Variants in UHRF2 observed in about 807,000 individuals in gnomAD.
UHRF2 encodes ubiquitin like with PHD and ring finger domains 2, also known as E3 ubiquitin-protein ligase UHRF2.
UHRF2 carries 23 observed loss-of-function variants against 96.8 expected under a neutral mutation model. That is an observed-to-expected ratio of 0.24 (90% CI 0.17 to 0.34). UHRF2 has a LOEUF of 0.34. Among genes scored for constraint, UHRF2 ranks in the 10% least tolerant of loss-of-function variants. UHRF2 has a pLI of 1.00. For missense variants in UHRF2, 685 were observed against 981.5 expected (o/e 0.70, Z 4.04); for synonymous variants, 385 against 332.6 (o/e 1.16, Z -1.72).
intron 3 of UHRF2, among the ~76,000 whole-genome samples, chr9:6,452,981 GTTTT>G (rs773494150): frequency 3.9e-5 from 6 of 152,004 alleles, no homozygotes; most frequent in Non-Finnish European, 5.9e-5. Flanking sequence ...TTCCTTTTCT[GTTTT>G]TTTGTTTTTT....
chr9:6,505,282 CG>C (rs1333233251), intron 15 of UHRF2, among the ~76,000 whole-genome samples: 1 of 150,872 alleles, frequency 6.6e-6, no homozygotes, highest in Admixed American at 6.6e-5. Context: ...TATATATATG[CG>C]TGTGTGTGTG....
chr9:6,486,236 A>G lies in UHRF2; in HGVS notation c.1393-585A>G, dbSNP rs76959097. 9.5e-3 allele frequency among the ~76,000 whole-genome samples: 1,444 copies of G among 152,282 alleles called. 15 individuals are homozygous for G. The highest frequency in any genetic ancestry group is 0.029 in the African/African-American group (1,192 of 41,564). ...TGAAGGAGCAAAACTAGAGGCAGTA[A>G]AAAAAGGATCTGTTGTGAGCATTCA... On this transcript the variant is annotated intron_variant, in intron 8 of 15. Coordinates refer to ENST00000276893, the MANE Select transcript of UHRF2 (RefSeq NM_152896.3).
intron 1 of UHRF2, chr9:6,415,288 A>G (rs1819532556): frequency 1.3e-5 from 2 of 152,226 alleles, no homozygotes. Flanking sequence ...TAACCGTTGT[A>G]CTTCCTCTTC....
chr9:6,448,645 A>G (rs967296323), intron 3 of UHRF2, among the ~76,000 whole-genome samples: 10 of 152,232 alleles, frequency 6.6e-5, no homozygotes, highest in Non-Finnish European at 1.2e-4. Context: ...AGTGAACTGT[A>G]TTTGGTGGAT....
chr9:6,428,836 T>G (rs534583397), intron 2 of UHRF2, among the ~76,000 whole-genome samples: 1 of 151,664 alleles, frequency 6.6e-6, no homozygotes, highest in South Asian at 2.1e-4. Context: ...GTGTGAGCCA[T>G]CACACCCAGC....
intron 6 of UHRF2, 95 bp from the exon 7 acceptor site, chr9:6,481,548 C>T: frequency 6.9e-7 from 1 of 1,439,248 alleles, no homozygotes; most frequent in East Asian, 2.3e-5. Flanking sequence ...AATAATACAT[C>T]TTAAAACTTG....
In UHRF2 at chr9:6,506,308, C is replaced by CAT; in HGVS notation, c.*131_*132dup. The CAT allele has an allele frequency of 8.4e-7, 1 of 1,194,772 alleles. No homozygotes were observed. The highest frequency in any genetic ancestry group is 1.6e-5 in the South Asian group (1 of 62,820). The allele number at this position is 1,194,772 out of a possible 1,614,324, so 74.0% of individuals were successfully genotyped here. On this transcript the variant is annotated 3_prime_UTR_variant, in exon 16 of 16. Coordinates refer to ENST00000276893, the MANE Select transcript of UHRF2 (RefSeq NM_152896.3). Reference sequence around the variant, plus strand: ...CTGAAGCAGCTAATCCTCTTTCCCACATAGCCATCATCTTGTGTGTGTAGT... The same window carrying CAT: ...CTGAAGCAGCTAATCCTCTTTCCCACATATAGCCATCATCTTGTGTGTGTAGT...
At chr9:6,477,955 T>C (rs1179382534) in intron 6 of UHRF2, 147 bp downstream of exon 6, 4 of 647,500 alleles carry the variant, frequency 6.2e-6, no homozygotes, top group African/African-American at 3.6e-5. Flanking sequence ...TTCATAGCTC[T>C]ATTCAATTAC....
intron 3 of UHRF2, among the ~76,000 whole-genome samples, chr9:6,441,166 C>T (rs1821140449): frequency 5.3e-5 from 8 of 151,978 alleles, no homozygotes; most frequent in Admixed American, 5.3e-4. Context: ...ATCACTTGAG[C>T]CCAGGAGTTC....
chr9:6,417,492 C>G (rs114996788), intron 1 of UHRF2, among the ~76,000 whole-genome samples: 1 of 152,160 alleles, frequency 6.6e-6, no homozygotes, highest in Non-Finnish European at 1.5e-5. Flanking sequence ...TCTTCACTTT[C>G]ATTAAATGTG....
intron 4 of UHRF2, among the ~76,000 whole-genome samples, chr9:6,465,366 C>T (rs1347295567): frequency 1.3e-5 from 2 of 152,056 alleles, no homozygotes; most frequent in Non-Finnish European, 2.9e-5. Context: ...TTCTTTCTTA[C>T]GGTAGAGTTT....
intron 1 of UHRF2, among the ~76,000 whole-genome samples, chr9:6,416,230 A>G (rs569313885): frequency 6.6e-6 from 1 of 151,848 alleles, no homozygotes; most frequent in Non-Finnish European, 1.5e-5. Flanking sequence ...CTCCCGGCAA[A>G]TTTTTTGTAT....
At chr9:6,480,247 A>G (rs1439396790) in intron 6 of UHRF2, among the ~76,000 whole-genome samples, 1 of 152,200 alleles carries the variant, frequency 6.6e-6, no homozygotes, top group Non-Finnish European at 1.5e-5. Flanking sequence ...GAAGCATACC[A>G]CTTCTAGTCA....
chr9:6,504,478 C>T, intron 14 of UHRF2, 115 bp from the exon 15 acceptor site: 1 of 624,220 alleles, frequency 1.6e-6, no homozygotes, highest in East Asian at 2.9e-5. Flanking sequence ...ATCTTTTATG[C>T]TGGGAACATT....
chr9:6,499,824 C>G lies in UHRF2; in HGVS notation c.1909-11C>G, dbSNP rs747579691. The stretch of plus-strand genomic sequence containing the variant: ...ATCTGCATTGTACTCTCCCTCCTCC[C>G]CCCCCATCAGTATCCAGCAGGTTAC... On this transcript the variant is annotated splice_polypyrimidine_tract_variant and intron_variant, in intron 12 of 15. Coordinates refer to ENST00000276893, the MANE Select transcript of UHRF2 (RefSeq NM_152896.3). 5 of 1,582,594 alleles carry G rather than the reference C, an allele frequency of 3.2e-6. No homozygotes were observed. The highest frequency in any genetic ancestry group is 4.6e-5 in the East Asian group (2 of 43,648).
At chr9:6,497,933 T>C in intron 11 of UHRF2, 85 bp from the exon 12 acceptor site, 1 of 1,517,494 alleles carries the variant, frequency 6.6e-7, no homozygotes. Flanking sequence ...CATTTAGTTC[T>C]GGCAAAGATT....
intron 8 of UHRF2, among the ~76,000 whole-genome samples, chr9:6,482,598 C>CTTT (rs1334743518): frequency 2.9e-5 from 4 of 135,984 alleles, no homozygotes; most frequent in Admixed American, 2.2e-4. Flanking sequence ...TAAGAGGGGC[C>CTTT]TTTTTTTTTT....
At chr9:6,452,944 G>GT (rs1307323519) in intron 3 of UHRF2, among the ~76,000 whole-genome samples, 1 of 152,096 alleles carries the variant, frequency 6.6e-6, no homozygotes, top group Non-Finnish European at 1.5e-5. Flanking sequence ...CGCATAATAG[G>GT]TTCCCGACTT....
intron 2 of UHRF2, among the ~76,000 whole-genome samples, chr9:6,423,363 A>G (rs1165475575): frequency 6.6e-6 from 1 of 152,190 alleles, no homozygotes; most frequent in African/African-American, 2.4e-5. Context: ...AAACATGACA[A>G]AAAGCACATC....
Sources: gnomAD v4.1 joint callset for allele counts (sites outside exome capture counted in the v4.1 genomes callset) on GRCh38, gnomAD v4.1.1 for gene constraint, MANE v1.5 for transcripts, NCBI Gene and HGNC (gene_info 2026-07-23, HGNC 2026-07-21) for gene names.